NCAM1: variants seen among roughly 807,000 people sequenced by gnomAD.
The protein encoded by NCAM1 is neural cell adhesion molecule 1.
NCAM1 carries 14 observed loss-of-function variants against 109.8 expected under a neutral mutation model. The ratio of observed to expected loss-of-function variants is 0.13; its 90% CI spans 0.08 to 0.20. The LOEUF (loss-of-function observed/expected upper bound fraction) is 0.20. Ranked by LOEUF, NCAM1 falls within the 10% of genes least tolerant of loss-of-function variation. The pLI is 1.00. For synonymous variants in NCAM1, 418 were observed against 442.9 expected, an observed-to-expected ratio of 0.94 and a Z score of 0.70; for missense variants, 774 against 1,109.9, an observed-to-expected ratio of 0.70 and a Z score of 4.30.
At chr11:113,173,788 G>A (rs752948325) in intron 1 of NCAM1, among the ~76,000 whole-genome samples, 34 of 151,624 alleles carry the variant, frequency 2.2e-4, no homozygotes, top group Admixed American at 9.2e-4. Context: ...TAAGATGTGC[G>A]AGGCTCATAG....
At chr11:113,159,997 T>C (rs1055561214) in intron 1 of NCAM1, among the ~76,000 whole-genome samples, 5 of 151,968 alleles carry the variant, frequency 3.3e-5, no homozygotes, top group Admixed American at 1.3e-4. Context: ...CATTACTCAG[T>C]GTTCATTACT....
intron 1 of NCAM1, among the ~76,000 whole-genome samples, chr11:113,051,625 G>T (rs1398535990): frequency 1.3e-5 from 2 of 151,882 alleles, no homozygotes; most frequent in Non-Finnish European, 2.9e-5. Flanking sequence ...TTTTCATATT[G>T]TAGTATAAAC....
intron 1 of NCAM1, among the ~76,000 whole-genome samples, chr11:113,005,374 C>T (rs1555073141): frequency 6.6e-6 from 1 of 152,172 alleles, no homozygotes; most frequent in African/African-American, 2.4e-5. Flanking sequence ...GGGTGACCAG[C>T]TAGACTTCTC....
At chr11:113,260,451 G>A (rs982501382) in intron 17 of NCAM1, 128 bp downstream of exon 17, 20 of 1,063,346 alleles carry the variant, frequency 1.9e-5, no homozygotes, top group Admixed American at 7.9e-5. Flanking sequence ...GGTTGCCCAT[G>A]CAAAGCTTAG....
At chr11:113,256,913 G>A (rs1555122438) in intron 16 of NCAM1, among the ~76,000 whole-genome samples, 4 of 152,200 alleles carry the variant, frequency 2.6e-5, no homozygotes. Context: ...ATAGCCCCAA[G>A]GAAGACTTTT....
At position 112,966,813 on chromosome 11, in the gene NCAM1, C is replaced by T. The variant is rs578130215; in HGVS notation, c.52+5149C>T. ...ACGTTACATTTAAAACATGCTCAGG[C>T]CATGTCTACATGCAGCCACTGAGTT... is the stretch of plus-strand genomic sequence containing the variant. On this transcript the variant is annotated intron_variant, in intron 1 of 19. Transcript: ENST00000316851. Among the ~76,000 whole-genome samples, 104 of 152,214 alleles carry T rather than the reference C, an allele frequency of 6.8e-4. 1 individual carries two copies. The highest frequency in any genetic ancestry group is 1.4e-3 in the Non-Finnish European group (92 of 68,048).
intron 1 of NCAM1, among the ~76,000 whole-genome samples, chr11:112,964,372 T>C (rs1410836945): frequency 6.6e-6 from 1 of 152,174 alleles, no homozygotes; most frequent in Non-Finnish European, 1.5e-5. Context: ...TTTATTCTAG[T>C]ATAAATTTTG....
intron 1 of NCAM1, among the ~76,000 whole-genome samples, chr11:113,191,500 G>T (rs1473096838): frequency 1.3e-5 from 2 of 152,190 alleles, no homozygotes; most frequent in African/African-American, 4.8e-5. Flanking sequence ...ATACTTAAGA[G>T]CAAGGGCTGT....
At chr11:113,178,927 C>A (rs1453986606) in intron 1 of NCAM1, among the ~76,000 whole-genome samples, 1 of 152,184 alleles carries the variant, frequency 6.6e-6, no homozygotes, top group Admixed American at 6.5e-5. Context: ...CTCTTGGTGA[C>A]CCACTTTTAT....
At chr11:113,191,409 T>C (rs1219704808) in intron 1 of NCAM1, among the ~76,000 whole-genome samples, 2 of 152,224 alleles carry the variant, frequency 1.3e-5, no homozygotes, top group Non-Finnish European at 1.5e-5. Context: ...TTTTCTTACA[T>C]GCCTGCCTGC....
chr11:113,263,487 C>T lies in NCAM1; in HGVS notation c.2131+3164C>T. On this transcript the variant is annotated intron_variant, in intron 17 of 19. Coordinates refer to ENST00000316851, the MANE Select transcript of NCAM1 (RefSeq NM_181351.5). ...TGCTGACATGATGGGCAACTGAAGTCACCCCTGTTGCCCATGCACTGGAAA... is the reference window on the plus strand; with the variant it reads ...TGCTGACATGATGGGCAACTGAAGTTACCCCTGTTGCCCATGCACTGGAAA... The T allele has an allele frequency of 4.1e-6, 4 of 985,882 alleles. No individual in the cohort carries two copies. In the South Asian group the frequency reaches 1.4e-4, roughly 35 times the overall value. 61.1% of individuals were successfully genotyped at this position (985,882 alleles called of 1,614,324 possible). A position where few individuals can be genotyped will look rare whatever the true frequency, so the allele number is the denominator to read the frequency against.
At chr11:113,249,186 C>A (rs892903155) in intron 15 of NCAM1, among the ~76,000 whole-genome samples, 2 of 152,234 alleles carry the variant, frequency 1.3e-5, no homozygotes, top group East Asian at 1.9e-4. Context: ...TTAACACCCA[C>A]TCTTCCTTCT....
rs1945122446 is a variant in NCAM1 at position 113,235,037 on chromosome 11, C to T, written c.1698C>T (p.Ser566=). The change falls in exon 14 of 20, where the codon AGC becomes AGT. Residue 566 remains serine, a synonymous_variant. Transcript: ENST00000316851. ...HSKWYDAKEA[S]MEGIVTIVGL... ...ATCCTTCCCATATTATAACAGCCAG[C>T]ATGGAGGGCATCGTCACCATCGTGG... The T allele has an allele frequency of 6.4e-7, 1 of 1,556,056 alleles. No homozygotes were observed.
At chr11:113,009,310 G>A (rs955241637) in intron 1 of NCAM1, among the ~76,000 whole-genome samples, 19 of 102,672 alleles carry the variant, frequency 1.9e-4, no homozygotes, top group East Asian at 1.1e-3. Flanking sequence ...GGGTTTTTTC[G>A]GGTTTTTTTT....
intron 1 of NCAM1, among the ~76,000 whole-genome samples, chr11:113,039,911 C>A (rs1242758076): frequency 6.6e-6 from 1 of 152,186 alleles, no homozygotes; most frequent in South Asian, 2.1e-4. Flanking sequence ...GAGGCCAAGG[C>A]AGGCAGATCA....
chr11:112,966,076 C>T (rs1374463368), intron 1 of NCAM1, among the ~76,000 whole-genome samples: 3 of 152,114 alleles, frequency 2.0e-5, no homozygotes, highest in African/African-American at 7.2e-5. Context: ...AATGTAAATT[C>T]CATAATTGAT....
chr11:112,971,431 T>C (rs1383342766), intron 1 of NCAM1, among the ~76,000 whole-genome samples: 1 of 152,036 alleles, frequency 6.6e-6, no homozygotes, highest in Non-Finnish European at 1.5e-5. Context: ...GAATAGAAAC[T>C]GAATGGGTTG....
intron 1 of NCAM1, among the ~76,000 whole-genome samples, chr11:113,043,922 C>T (rs1470440492): frequency 1.7e-4 from 25 of 151,412 alleles, no homozygotes; most frequent in African/African-American, 5.6e-4. Flanking sequence ...GTAAATGTGC[C>T]TAGATGTTTT....
At chr11:113,189,431 C>CA (rs1427228535) in intron 1 of NCAM1, among the ~76,000 whole-genome samples, 5 of 131,014 alleles carry the variant, frequency 3.8e-5, no homozygotes, top group Non-Finnish European at 7.8e-5. Flanking sequence ...GCCTGGGTGA[C>CA]AGAGCGAGAT....
Sources: gnomAD v4.1 joint callset for allele counts (sites outside exome capture counted in the v4.1 genomes callset) on GRCh38, gnomAD v4.1.1 for gene constraint, MANE v1.5 for transcripts, NCBI Gene and HGNC (gene_info 2026-07-23, HGNC 2026-07-21) for gene names.